Variants in ATF7IP observed in about 807,000 individuals in gnomAD.
ATF7IP encodes activating transcription factor 7-interacting protein 1.
In ATF7IP, 23 loss-of-function variants were observed where a neutral mutation model predicts 106.4. The observed-to-expected ratio is 0.22, with a 90% CI of 0.16 to 0.31. The LOEUF is 0.31. ATF7IP is among the 10% of genes least tolerant of loss of function. The pLI, the probability that ATF7IP is intolerant of heterozygous loss-of-function variation, is 1.00. For synonymous variants in ATF7IP, 542 were observed against 539.0 expected (o/e 1.01, Z -0.08); for missense variants, 1,334 against 1,524.3 (o/e 0.88, Z 2.08).
intron 9 of ATF7IP, 90 bp from the exon 10 acceptor site, chr12:14,466,436 G>T: frequency 9.8e-7 from 1 of 1,024,490 alleles, no homozygotes; most frequent in Non-Finnish European, 1.5e-6. Context: ...AAAAGTAGTT[G>T]GAGAAAACTA....
At chr12:14,413,668 C>G (rs1337136623) in intron 1 of ATF7IP, among the ~76,000 whole-genome samples, 2 of 152,034 alleles carry the variant, frequency 1.3e-5, no homozygotes, top group Non-Finnish European at 2.9e-5. Context: ...TAAATTATCA[C>G]ATAAACTAAT....
At position 14,480,998 on chromosome 12, in the gene ATF7IP, A is replaced by C. The variant is rs548686855; in HGVS notation, c.3098-5A>C. 5.3e-5 allele frequency: 85 copies of C among 1,613,234 alleles called. No individual in the cohort carries two copies. The South Asian group carries it at 9.3e-4, about 18-fold the overall frequency. On this transcript the variant is annotated splice_region_variant and splice_polypyrimidine_tract_variant and intron_variant, in intron 12 of 14. Transcript: ENST00000261168. Reference sequence around the variant, plus strand: ...TTCTTAATATCTTTTTCTGCCTTGCATTAGCTCCAACTACCGTGAATGTAA... The same window carrying C: ...TTCTTAATATCTTTTTCTGCCTTGCCTTAGCTCCAACTACCGTGAATGTAA...
chr12:14,391,006 A>G (rs1939517982), intron 1 of ATF7IP, among the ~76,000 whole-genome samples: 2 of 152,222 alleles, frequency 1.3e-5, no homozygotes, highest in Non-Finnish European at 2.9e-5. Flanking sequence ...GAGAAAATTG[A>G]AAAAGTGATT....
chr12:14,399,710 C>G (rs1940077690), intron 1 of ATF7IP, among the ~76,000 whole-genome samples: 1 of 151,234 alleles, frequency 6.6e-6, no homozygotes. Flanking sequence ...AGTGTAATAT[C>G]TTCTCATACA....
At chr12:14,412,627 T>C (rs886887883) in intron 1 of ATF7IP, among the ~76,000 whole-genome samples, 4 of 152,214 alleles carry the variant, frequency 2.6e-5, no homozygotes, top group African/African-American at 7.2e-5. Flanking sequence ...TAAACTCTTA[T>C]TCTAATAAAT....
At position 14,429,213 on chromosome 12, in the gene ATF7IP, A is replaced by G. The variant is rs149534330; in HGVS notation, c.1558+3740A>G. ...TCTCAGTGAAATGACATTGATGATC[A>G]TGTTATTAAATCCGGGGACATCTTT... On this transcript the variant is annotated intron_variant, in intron 2 of 14. Coordinates refer to ENST00000261168, the MANE Select transcript of ATF7IP (RefSeq NM_018179.5). 2.6e-5 allele frequency among the ~76,000 whole-genome samples: 4 copies of G among 152,264 alleles called. No individual in the cohort carries two copies. The East Asian group carries it at 7.7e-4, about 29-fold the overall frequency.
In ATF7IP at chr12:14,466,602, CCTT is replaced by C. The variant is rs746169078; in HGVS notation, c.2862+20_2862+22del. 19 of 1,577,376 alleles carry C rather than the reference CCTT, an allele frequency of 1.2e-5. No homozygotes were observed. Among genetic ancestry groups the C allele is most frequent in the Admixed American group, 1.9e-5 (1 of 52,448 alleles). On this transcript the variant is annotated intron_variant, in intron 10 of 14. Transcript: ENST00000261168. ...ATAGCACATCACAGGTAAGATTTTTCCTTCTTCTTCAAAGTAAAATCCTAATTA... is the reference window on the plus strand; with the variant it reads ...ATAGCACATCACAGGTAAGATTTTTCCTTCTTCAAAGTAAAATCCTAATTA...
At chr12:14,374,648 C>T (rs1281907235) in intron 1 of ATF7IP, among the ~76,000 whole-genome samples, 1 of 152,048 alleles carries the variant, frequency 6.6e-6, no homozygotes, top group African/African-American at 2.4e-5. Context: ...ATGAATTAGA[C>T]AGATAATACT....
rs1182073128 is a variant in ATF7IP, at chr12:14,502,235, T to A, written c.*4162T>A. The A allele has an allele frequency of 6.6e-6, 1 of 152,224 alleles. No individual in the cohort carries two copies. Among genetic ancestry groups the A allele is most frequent in the African/African-American group, 2.4e-5 (1 of 41,458 alleles). The allele number at this position is 152,224 out of a possible 1,614,324, so 9.4% of individuals were successfully genotyped here. ...ATTCTACCTTCCTTACTATTTTTAC[T>A]GGGCAAATGCCCTATTTTTTTAATT... On this transcript the variant is annotated 3_prime_UTR_variant, in exon 15 of 15. Transcript: ENST00000261168.
At chr12:14,480,976 T>C in intron 12 of ATF7IP, 27 bp from the exon 13 acceptor site, 6 of 1,607,342 alleles carry the variant, frequency 3.7e-6, no homozygotes, top group Non-Finnish European at 5.1e-6. Context: ...TACTGTATTC[T>C]TAATATCTTT....
At chr12:14,385,335 T>G (rs1939170460) in intron 1 of ATF7IP, 1 of 1,515,634 alleles carries the variant, frequency 6.6e-7, no homozygotes, top group Non-Finnish European at 8.8e-7. Flanking sequence ...GCTAACCTAG[T>G]CTTTGTAGCT....
Position 14,424,605 on chromosome 12 carries a change from C to T in ATF7IP, c.690C>T (p.Ala230=). 6.2e-7 allele frequency: 1 copy of T among 1,614,072 alleles called. No individual in the cohort carries two copies. The highest frequency in any genetic ancestry group is 8.5e-7 in the Non-Finnish European group (1 of 1,180,022). Residue 230 remains alanine, a synonymous_variant, in exon 2 of 15, where the codon GCC becomes GCT. Coordinates refer to ENST00000261168, the MANE Select transcript of ATF7IP (RefSeq NM_018179.5). ...ISGDCAADDI[A]SSEITSVDLA... ...GTGATTGTGCCGCTGATGATATAGC[C>T]TCTAGTGAAATAACTTCTGTTGATC...
chr12:14,404,771 T>A (rs1381306071), intron 1 of ATF7IP, among the ~76,000 whole-genome samples: 1 of 152,182 alleles, frequency 6.6e-6, no homozygotes, highest in East Asian at 1.9e-4. Flanking sequence ...CAGGTTTAGT[T>A]GAGAGCAGAA....
At chr12:14,410,135 A>G (rs1044640459) in intron 1 of ATF7IP, among the ~76,000 whole-genome samples, 1 of 152,128 alleles carries the variant, frequency 6.6e-6, no homozygotes, top group Non-Finnish European at 1.5e-5. Context: ...GTCTGTATAG[A>G]TATAGATTTG....
chr12:14,380,261 A>AT (rs1010472101), intron 1 of ATF7IP, among the ~76,000 whole-genome samples: 9 of 151,286 alleles, frequency 5.9e-5, no homozygotes, highest in African/African-American at 9.7e-5. Context: ...TGCTTCATGT[A>AT]TTTTTTTTGT....
intron 6 of ATF7IP, among the ~76,000 whole-genome samples, chr12:14,452,906 C>A (rs1345604678): frequency 6.6e-6 from 1 of 152,086 alleles, no homozygotes; most frequent in Non-Finnish European, 1.5e-5. Context: ...TGATGAAACT[C>A]CTTCAGCTTT....
intron 6 of ATF7IP, among the ~76,000 whole-genome samples, chr12:14,454,225 A>G (rs1447600986): frequency 1.3e-5 from 2 of 152,024 alleles, no homozygotes; most frequent in Non-Finnish European, 2.9e-5. Flanking sequence ...TTCCATCTGA[A>G]GAGGTTTGCC....
chr12:14,455,569 A>G (rs918713551), intron 6 of ATF7IP, among the ~76,000 whole-genome samples: 7 of 151,978 alleles, frequency 4.6e-5, no homozygotes, highest in African/African-American at 1.7e-4. Flanking sequence ...GAGTAGAGAT[A>G]TTTTATTCTT....
rs183782658 is a variant in ATF7IP, at chr12:14,460,574, C to T, written c.2238C>T (p.Ser746=). 3.1e-5 allele frequency: 50 copies of T among 1,614,172 alleles called. No individual in the cohort carries two copies. Among genetic ancestry groups the T allele is most frequent in the Non-Finnish European group, 6.8e-6 (8 of 1,180,016 alleles). ...PKLQTPVTSG[S]LTATSVLPAP... ...TGCAGACTCCAGTGACTTCGGGTTC[C>T]CTCACAGCAACGTCAGTTCTTCCTG... Residue 746 remains serine, a synonymous_variant, in exon 9 of 15, where the codon TCC becomes TCT. Coordinates refer to ENST00000261168, the MANE Select transcript of ATF7IP (RefSeq NM_018179.5).
Sources: gnomAD v4.1 joint callset for allele counts (sites outside exome capture counted in the v4.1 genomes callset) on GRCh38, gnomAD v4.1.1 for gene constraint, MANE v1.5 for transcripts, NCBI Gene and HGNC (gene_info 2026-07-23, HGNC 2026-07-21) for gene names.